The following ZNF583 variants were observed in gnomAD, a reference collection of about 807,000 sequenced individuals.
The protein encoded by ZNF583 is zinc finger protein 583.
Under a neutral mutation model 55.3 loss-of-function variants are expected in ZNF583, and 30 were observed. That is an observed-to-expected ratio of 0.54 (90% CI 0.41 to 0.74). The LOEUF is 0.74. Ranked by LOEUF, ZNF583 falls within the 30% of genes least tolerant of loss-of-function variation. ZNF583 has a pLI of 0.00. For missense variants in ZNF583, 504 were observed against 664.7 expected (o/e 0.76, Z 2.66); for synonymous variants, 208 against 220.0 (o/e 0.95, Z 0.48).
chr19:56,414,429 G>T lies in ZNF583; in HGVS notation c.221G>T (p.Gly74Val). Residue 74 changes from glycine (G) to valine (V), a missense_variant, in exon 4 of 5, where the codon GGC becomes GTC. Physicochemically the swap from Gly to Val is moderately radical, Grantham distance 109. Around this residue, in one of 3 missense-constraint regions of ZNF583, gnomAD observed 204 missense variants for 235.2 expected, o/e 0.87. Transcript: ENST00000333201. ...PWMVKKEGTR[G>V]PCPDWEYVFK... ...ATGGTGAAGAAGGAGGGAACAAGAG[G>T]CCCATGCCCTGGTGAGTGAGAGAGA... 1.2e-6 allele frequency: 2 copies of T among 1,614,000 alleles called. No individual in the cohort carries two copies. The highest frequency in any genetic ancestry group is 1.1e-5 in the South Asian group (1 of 91,072).
chr19:56,421,573 T>C, intron 4 of ZNF583: 1 of 881,264 alleles, frequency 1.1e-6, no homozygotes, highest in Non-Finnish European at 1.4e-6. Context: ...TTATCCACTG[T>C]AATATTTAAG....
rs577484104 is a variant in ZNF583, at chr19:56,424,195, A to G, written c.1537A>G (p.Ile513Val). 6 of 1,613,898 alleles carry G rather than the reference A, an allele frequency of 3.7e-6. No individual in the cohort carries two copies. In the Middle Eastern group the frequency reaches 4.9e-4, roughly 133 times the overall value. The change falls in exon 5 of 5, where the codon ATT (isoleucine) becomes GTT (valine). Residue 513 changes from isoleucine (I) to valine (V), a missense_variant. Coordinates refer to ENST00000333201, the MANE Select transcript of ZNF583 (RefSeq NM_152478.3). ...YSGSLTLHQR[I>V]HTGERPYECK... is the part of the protein sequence containing the mutation. ...TGGATCTCTTACTCTACATCAGAGA[A>G]TTCATACTGGAGAAAGACCCTATGA...
In ZNF583 at chr19:56,421,427, A is replaced by G. The variant is rs988764686; in HGVS notation, c.233-1464A>G. The G allele has an allele frequency of 7.1e-6, 7 of 983,788 alleles. No homozygotes were observed. In the African/African-American group the frequency reaches 1.2e-4, roughly 17 times the overall value. 60.9% of individuals were successfully genotyped at this position (983,788 alleles called of 1,614,324 possible). ...AATTTAATTTTCATGTTGACTTTTTATAGGGCATTCATGGGTGTGATTTGC... is the reference window on the plus strand; with the variant it reads ...AATTTAATTTTCATGTTGACTTTTTGTAGGGCATTCATGGGTGTGATTTGC... On this transcript the variant is annotated intron_variant, in intron 4 of 4. Coordinates refer to ENST00000333201, the MANE Select transcript of ZNF583 (RefSeq NM_152478.3).
intron 1 of ZNF583, among the ~76,000 whole-genome samples, chr19:56,406,515 C>G (rs2042150737): frequency 6.8e-6 from 1 of 148,110 alleles, no homozygotes; most frequent in Non-Finnish European, 1.5e-5. Flanking sequence ...AAACACAGAA[C>G]AGGTATGTTG....
At chr19:56,407,567 A>G (rs1306274813) in intron 2 of ZNF583, among the ~76,000 whole-genome samples, 1 of 152,214 alleles carries the variant, frequency 6.6e-6, no homozygotes, top group Non-Finnish European at 1.5e-5. Context: ...CTCTTGCTCA[A>G]AGTGATCTTG....
At chr19:56,417,263 ACTGT>A (rs1411022629) in intron 4 of ZNF583, among the ~76,000 whole-genome samples, 1 of 152,178 alleles carries the variant, frequency 6.6e-6, no homozygotes, top group Non-Finnish European at 1.5e-5. Flanking sequence ...TCTGTTAGAA[ACTGT>A]CAGTTTTCTG....
intron 4 of ZNF583, among the ~76,000 whole-genome samples, chr19:56,421,180 T>C (rs1407981812): frequency 6.6e-6 from 1 of 152,188 alleles, no homozygotes; most frequent in Non-Finnish European, 1.5e-5. Context: ...GTGTGGGGTA[T>C]AGCAATCTGT....
chr19:56,405,767 C>A (rs1373081703), intron 1 of ZNF583, among the ~76,000 whole-genome samples: 1 of 152,140 alleles, frequency 6.6e-6, no homozygotes, highest in Non-Finnish European at 1.5e-5. Context: ...AAATTAAGCA[C>A]TGTGCTCAAT....
chr19:56,426,540 T>C lies in ZNF583; in HGVS notation c.*2172T>C, dbSNP rs1467542687. On this transcript the variant is annotated 3_prime_UTR_variant, in exon 5 of 5. Transcript: ENST00000333201. ...AAATTATTGCAGCACATATAAACTA[T>C]GGAATTCATATCCTTAACATAAAAT... The C allele has an allele frequency of 6.6e-6, 1 of 152,122 alleles. No individual in the cohort carries two copies. The allele number at this position is 152,122 out of a possible 1,614,324, so 9.4% of individuals were successfully genotyped here.
At chr19:56,411,319 G>C in intron 2 of ZNF583, among the ~76,000 whole-genome samples, 1 of 152,106 alleles carries the variant, frequency 6.6e-6, no homozygotes, top group Middle Eastern at 3.4e-3. Context: ...ACAAAGGAGT[G>C]GGGGGAAATC....
chr19:56,416,370 A>G (rs2042323073), intron 4 of ZNF583, among the ~76,000 whole-genome samples: 4 of 151,224 alleles, frequency 2.6e-5, no homozygotes, highest in Admixed American at 2.6e-4. Flanking sequence ...TGCTCTACTC[A>G]TAAATCAGTT....
intron 2 of ZNF583, among the ~76,000 whole-genome samples, chr19:56,411,124 CA>C (rs36007598): frequency 3.1e-3 from 425 of 135,404 alleles, no homozygotes; most frequent in Middle Eastern, 3.8e-3. Flanking sequence ...TCATCTGTAC[CA>C]AAAAAAAAAA....
At position 56,404,629 on chromosome 19, in the gene ZNF583, GT is replaced by G. The variant is rs1453052612; in HGVS notation, c.-90+178del. Reference sequence around the variant, plus strand: ...ACTGTGTGAGAATTTGAGACCGTGTGTGACAGTGTGAGAATGTGAGGCCGTG... The same window carrying G: ...ACTGTGTGAGAATTTGAGACCGTGTGGACAGTGTGAGAATGTGAGGCCGTG... On this transcript the variant is annotated intron_variant, in intron 1 of 4. Coordinates refer to ENST00000333201, the MANE Select transcript of ZNF583 (RefSeq NM_152478.3). The surrounding 1 kb of genome is among the most constrained non-coding windows in gnomAD (Gnocchi z 5.2). Among the ~76,000 whole-genome samples the G allele has an allele frequency of 2.0e-5, 3 of 152,188 alleles. No homozygotes were observed. Among genetic ancestry groups the G allele is most frequent in the African/African-American group, 7.2e-5 (3 of 41,446 alleles).
At chr19:56,421,092 CAG>C (rs2042407333) in intron 4 of ZNF583, among the ~76,000 whole-genome samples, 1 of 152,030 alleles carries the variant, frequency 6.6e-6, no homozygotes, top group Non-Finnish European at 1.5e-5. Context: ...GTCTTGAGAC[CAG>C]CAGCACCACC....
At chr19:56,413,868 C>G (rs2147576002) in intron 2 of ZNF583, 91 bp from the exon 3 acceptor site, 7 of 1,564,238 alleles carry the variant, frequency 4.5e-6, no homozygotes, top group East Asian at 2.3e-5. Flanking sequence ...CAATATTTTT[C>G]TCTAAAAGTA....
At position 56,426,619 on chromosome 19, in the gene ZNF583, G is replaced by C. The variant is rs186425081; in HGVS notation, c.*2251G>C. On this transcript the variant is annotated 3_prime_UTR_variant, in exon 5 of 5. Transcript: ENST00000333201. ...GCTTTTCTCCAGCTCATAGTCAAAG[G>C]ATATGAAGAGGCAACAGGTGACCAA... The C allele has an allele frequency of 2.6e-5, 4 of 152,194 alleles. No individual in the cohort carries two copies. The East Asian group carries it at 7.7e-4, about 29-fold the overall frequency. 9.4% of individuals were successfully genotyped at this position (152,194 alleles called of 1,614,324 possible). A position where few individuals can be genotyped will look rare whatever the true frequency, so the allele number is the denominator to read the frequency against.
intron 2 of ZNF583, among the ~76,000 whole-genome samples, chr19:56,413,713 A>G (rs1480966430): frequency 2.0e-5 from 3 of 152,188 alleles, no homozygotes; most frequent in African/African-American, 7.2e-5. Flanking sequence ...TGTGTGATAA[A>G]TCCTTTCTCT....
Position 56,425,971 on chromosome 19 carries a change from CAT to C in ZNF583, c.*1604_*1605del, listed in dbSNP as rs1310183382. ...TATAATCAATGCAGTGATCAATTCA[CAT>C]GTGACTATAGATACAAACAGAATGA... On this transcript the variant is annotated 3_prime_UTR_variant, in exon 5 of 5. Coordinates refer to ENST00000333201, the MANE Select transcript of ZNF583 (RefSeq NM_152478.3). The C allele has an allele frequency of 6.6e-6, 1 of 152,096 alleles. No homozygotes were observed. Among genetic ancestry groups the C allele is most frequent in the Non-Finnish European group, 1.5e-5 (1 of 68,006 alleles). 9.4% of individuals were successfully genotyped at this position (152,096 alleles called of 1,614,324 possible).
At position 56,423,890 on chromosome 19, in the gene ZNF583, A is replaced by G. The variant is rs920211921; in HGVS notation, c.1232A>G (p.Lys411Arg). ...ACTGGAGAAAAACCTTATGAATGTAAAGTATGTAGGAAAGCCTTCAGCCAA... is the reference window on the plus strand; with the variant it reads ...ACTGGAGAAAAACCTTATGAATGTAGAGTATGTAGGAAAGCCTTCAGCCAA... ...VHTGEKPYEC[K>R]VCRKAFSQIA... is the part of the protein sequence containing the mutation. Residue 411 changes from lysine to arginine, a missense_variant, in exon 5 of 5, where the codon AAA (lysine) becomes AGA (arginine). Transcript: ENST00000333201. 6.2e-7 allele frequency: 1 copy of G among 1,614,014 alleles called. No homozygotes were observed. The highest frequency in any genetic ancestry group is 8.5e-7 in the Non-Finnish European group (1 of 1,179,964).
Sources: allele counts gnomAD v4.1 joint callset (sites outside exome capture counted in the v4.1 genomes callset), GRCh38; gene constraint gnomAD v4.1.1; regional missense constraint gnomAD v4.1.1; non-coding constraint Gnocchi (gnomAD v3.1); transcripts MANE v1.5; gene names NCBI Gene and HGNC (gene_info 2026-07-23, HGNC 2026-07-21).